GAB4: variants seen among roughly 807,000 people sequenced by gnomAD.
The protein encoded by GAB4 is GRB2-associated-binding protein 4.
GAB4 carries 26 observed loss-of-function variants against 51.3 expected under a neutral mutation model. The observed-to-expected ratio is 0.51, with a 90% CI of 0.37 to 0.70. The LOEUF is 0.70. GAB4 is among the 30% of genes least tolerant of loss of function. The pLI, the probability that GAB4 is intolerant of heterozygous loss-of-function variation, is 0.00. For synonymous variants in GAB4, 329 were observed against 291.2 expected, an observed-to-expected ratio of 1.13 and a Z score of -1.32; for missense variants, 759 against 734.6, an observed-to-expected ratio of 1.03 and a Z score of -0.38.
At chr22:16,982,300 G>A (rs2399150) in intron 3 of GAB4, among the ~76,000 whole-genome samples, 3,366 of 152,258 alleles carry the variant, frequency 0.022, 59 homozygotes, top group Middle Eastern at 0.068. Context: ...CCAAAAGGCT[G>A]TTGGAACAGA....
chr22:16,991,391 T>C (rs2060912898), intron 2 of GAB4, among the ~76,000 whole-genome samples: 1 of 151,814 alleles, frequency 6.6e-6, no homozygotes, highest in South Asian at 2.1e-4. Flanking sequence ...TGAAGGAGCA[T>C]TTCTGCAACT....
At chr22:16,980,323 C>T (rs1396255886) in intron 3 of GAB4, among the ~76,000 whole-genome samples, 1 of 151,994 alleles carries the variant, frequency 6.6e-6, no homozygotes, top group Admixed American at 6.6e-5. Context: ...AAGAAAAATC[C>T]AAACAATCCC....
chr22:16,972,160 G>A (rs2060737224), intron 3 of GAB4, among the ~76,000 whole-genome samples: 1 of 152,224 alleles, frequency 6.6e-6, no homozygotes. Context: ...AGGCACAGTG[G>A]ACACAGACGC....
chr22:16,993,194 C>T (rs2060926821), intron 1 of GAB4, among the ~76,000 whole-genome samples: 1 of 152,192 alleles, frequency 6.6e-6, no homozygotes, highest in African/African-American at 2.4e-5. Flanking sequence ...GGATAAAAGA[C>T]TACCCATGGT....
chr22:17,001,941 T>C (rs1352109323), intron 1 of GAB4, among the ~76,000 whole-genome samples: 1 of 152,184 alleles, frequency 6.6e-6, no homozygotes, highest in Non-Finnish European at 1.5e-5. Flanking sequence ...CGAGACTCCA[T>C]GGGCATGGGA....
chr22:16,973,181 C>A (rs913243626), intron 3 of GAB4, among the ~76,000 whole-genome samples: 3 of 152,206 alleles, frequency 2.0e-5, no homozygotes, highest in African/African-American at 7.2e-5. Flanking sequence ...CTTGGAGCAG[C>A]AGCAAATTGC....
chr22:17,002,635 C>T (rs2061006657), intron 1 of GAB4, among the ~76,000 whole-genome samples: 1 of 151,830 alleles, frequency 6.6e-6, no homozygotes, highest in Non-Finnish European at 1.5e-5. Context: ...ACAATGAGAA[C>T]ACATGGTCAC....
At chr22:16,964,731 T>C in intron 8 of GAB4, 35 bp downstream of exon 8, 2 of 1,476,616 alleles carry the variant, frequency 1.4e-6, no homozygotes, top group Non-Finnish European at 1.9e-6. Flanking sequence ...CAGGGGACTC[T>C]GATAGGAGCC....
intron 1 of GAB4, among the ~76,000 whole-genome samples, chr22:17,003,989 G>T (rs945342623): frequency 6.6e-6 from 1 of 151,884 alleles, no homozygotes; most frequent in Non-Finnish European, 1.5e-5. Context: ...TGATAGAGGG[G>T]TATCACCGCT....
In GAB4 at chr22:16,962,646, G is replaced by A. The variant is rs1336515657; in HGVS notation, c.*87C>T. Reference sequence around the variant, plus strand: ...GGCCTCTGCTCTCTATGTAAGGGATGCGGTCCCTGATATTACAGAGCTTTA... The same window carrying A: ...GGCCTCTGCTCTCTATGTAAGGGATACGGTCCCTGATATTACAGAGCTTTA... On this transcript the variant is annotated 3_prime_UTR_variant, in exon 10 of 10. Transcript: ENST00000400588. The A allele has an allele frequency of 1.6e-6, 2 of 1,241,564 alleles. No homozygotes were observed. Among genetic ancestry groups the A allele is most frequent in the Non-Finnish European group, 2.2e-6 (2 of 895,662 alleles). 76.9% of individuals were successfully genotyped at this position (1,241,564 alleles called of 1,614,324 possible).
intron 3 of GAB4, among the ~76,000 whole-genome samples, chr22:16,987,087 A>G (rs1268077995): frequency 6.6e-6 from 1 of 152,240 alleles, no homozygotes; most frequent in African/African-American, 2.4e-5. Context: ...AAGTGAGATT[A>G]TGTATGAAAA....
intron 1 of GAB4, among the ~76,000 whole-genome samples, chr22:17,003,195 C>G (rs79127788): frequency 6.6e-6 from 1 of 152,284 alleles, no homozygotes; most frequent in Non-Finnish European, 1.5e-5. Context: ...TCTTAGTGAC[C>G]TAGAAAGAGA....
intron 1 of GAB4, among the ~76,000 whole-genome samples, chr22:17,000,524 A>G (rs1368090387): frequency 6.6e-6 from 1 of 152,000 alleles, no homozygotes; most frequent in Non-Finnish European, 1.5e-5. Flanking sequence ...TTTTGAGCCT[A>G]TGTGTGTCTC....
intron 1 of GAB4, among the ~76,000 whole-genome samples, chr22:17,001,957 C>T (rs5746958): frequency 0.13 from 19,980 of 152,234 alleles, 1,514 homozygotes; most frequent in East Asian, 0.36. Context: ...TGGGACCCCC[C>T]GAGCCAGGTG....
intron 1 of GAB4, among the ~76,000 whole-genome samples, chr22:16,995,557 G>A (rs182771179): frequency 5.3e-4 from 81 of 152,310 alleles, no homozygotes; most frequent in African/African-American, 1.7e-3. Context: ...ACTCATACAG[G>A]AGAGCTCCAG....
At chr22:16,983,899 G>A (rs1387176316) in intron 3 of GAB4, among the ~76,000 whole-genome samples, 3 of 152,134 alleles carry the variant, frequency 2.0e-5, no homozygotes, top group Non-Finnish European at 2.9e-5. Flanking sequence ...CTAGCCATAC[G>A]TTCTTGAATA....
intron 1 of GAB4, among the ~76,000 whole-genome samples, chr22:16,995,052 C>T (rs112401381): frequency 1.4e-4 from 22 of 152,250 alleles, no homozygotes; most frequent in African/African-American, 4.8e-4. Flanking sequence ...TGTTTTTAAA[C>T]GTTAAGCCAA....
At chr22:16,963,955 T>A (rs1473022192) in intron 8 of GAB4, 126 bp from the exon 9 acceptor site, 1 of 680,312 alleles carries the variant, frequency 1.5e-6, no homozygotes, top group Non-Finnish European at 2.6e-6. Flanking sequence ...ACTGGGGCAC[T>A]CTCTGCTCAT....
chr22:16,970,139 T>C lies in GAB4; in HGVS notation c.741A>G (p.Thr247=). The change falls in exon 4 of 10, where the codon ACA becomes ACG. Residue 247 remains threonine, a synonymous_variant. Transcript: ENST00000400588. Reference sequence around the variant, plus strand: ...TGTGCTGGGCAAGATTTTGCATGGCTGTGTTTCTCCTCATGATGAATGGGG... The same window carrying C: ...TGTGCTGGGCAAGATTTTGCATGGCCGTGTTTCTCCTCATGATGAATGGGG... ...SEAPFIMRRN[T]AMQNLAQHSG... 1 of 1,614,178 alleles carries C rather than the reference T, an allele frequency of 6.2e-7. No homozygotes were observed. The highest frequency in any genetic ancestry group is 1.3e-5 in the African/African-American group (1 of 75,030).
Sources: gnomAD v4.1 joint callset for allele counts (sites outside exome capture counted in the v4.1 genomes callset) on GRCh38, gnomAD v4.1.1 for gene constraint, MANE v1.5 for transcripts, NCBI Gene and HGNC (gene_info 2026-07-23, HGNC 2026-07-21) for gene names.